ANKMY2: variants seen among roughly 807,000 people sequenced by gnomAD.
ANKMY2 encodes ankyrin repeat and MYND domain-containing protein 2.
A neutral mutation model predicts 50.4 loss-of-function variants in ANKMY2; 36 were observed. The ratio of observed to expected loss-of-function variants is 0.71; its 90% CI spans 0.55 to 0.94. The LOEUF (loss-of-function observed/expected upper bound fraction) is 0.94. Ranked by LOEUF, ANKMY2 falls within the 40% of genes least tolerant of loss-of-function variation. ANKMY2 has a pLI of 0.00. For missense variants in ANKMY2, 565 were observed against 524.0 expected (o/e 1.08, Z -0.76); for synonymous variants, 187 against 178.8 (o/e 1.05, Z -0.36).
intron 5 of ANKMY2, among the ~76,000 whole-genome samples, chr7:16,614,871 T>C (rs77723752): frequency 1.3e-5 from 2 of 152,202 alleles, no homozygotes. Flanking sequence ...GATACTGAAA[T>C]TGAAATAGGA....
chr7:16,636,457 TAAAAA>T lies in ANKMY2; in HGVS notation c.68-7_68-3del. ...ATGTTCCAGCTTCTTGGACAGTACC[TAAAAA>T]AAAAAAAAAGATGAAAAGTAAGGTT... On this transcript the variant is annotated splice_region_variant and splice_polypyrimidine_tract_variant and intron_variant, in intron 1 of 9. Coordinates refer to ENST00000306999, the MANE Select transcript of ANKMY2 (RefSeq NM_020319.3). The T allele has an allele frequency of 2.9e-6, 4 of 1,396,868 alleles. No homozygotes were observed. Among genetic ancestry groups the T allele is most frequent in the Non-Finnish European group, 3.9e-6 (4 of 1,038,166 alleles). The allele number at this position is 1,396,868 out of a possible 1,614,324, so 86.5% of individuals were successfully genotyped here.
In ANKMY2 at chr7:16,600,815, A is replaced by C; in HGVS notation, c.1272T>G (p.Ala424=). 6.2e-7 allele frequency: 1 copy of C among 1,613,814 alleles called. No individual in the cohort carries two copies. Among genetic ancestry groups the C allele is most frequent in the Non-Finnish European group, 8.5e-7 (1 of 1,179,880 alleles). ...EGKKESLESE[A]ELEGLQDAPA... is the part of the protein sequence containing the mutation. ...GAGCATCCTGTAAGCCTTCCAACTC[A>C]GCTTCGCTTTCAAGAGATTCTTTCT... The change falls in exon 10 of 10, where the codon GCT becomes GCG. Residue 424 remains alanine, a synonymous_variant. Coordinates refer to ENST00000306999, the MANE Select transcript of ANKMY2 (RefSeq NM_020319.3).
At position 16,645,710 on chromosome 7, in the gene ANKMY2, G is replaced by T; in HGVS notation, c.-137C>A. 1.1e-6 allele frequency: 1 copy of T among 945,880 alleles called. No homozygotes were observed. The highest frequency in any genetic ancestry group is 1.5e-6 in the Non-Finnish European group (1 of 662,646). 58.6% of individuals were successfully genotyped at this position (945,880 alleles called of 1,614,324 possible). On this transcript the variant is annotated 5_prime_UTR_variant, in exon 1 of 10. Transcript: ENST00000306999. ...GAGTAGCCAACCGCGGAAACGCTTC[G>T]CTTCTCTCCTCCCTCCCGCGGGCTG...
intron 7 of ANKMY2, among the ~76,000 whole-genome samples, chr7:16,607,264 A>G (rs577883933): frequency 1.1e-4 from 16 of 152,288 alleles, no homozygotes; most frequent in African/African-American, 3.6e-4. Context: ...ACTGGGATAA[A>G]CATTAATCAT....
chr7:16,607,337 G>A (rs192928822), intron 7 of ANKMY2, among the ~76,000 whole-genome samples: 7 of 152,202 alleles, frequency 4.6e-5, no homozygotes, highest in East Asian at 3.9e-4. Context: ...AGGCCAAGGC[G>A]GGCAGATCAC....
intron 7 of ANKMY2, among the ~76,000 whole-genome samples, chr7:16,607,075 A>T (rs1028454650): frequency 5.9e-5 from 9 of 152,168 alleles, no homozygotes; most frequent in African/African-American, 1.9e-4. Context: ...GAATATGAAA[A>T]CCAATTAGGC....
intron 4 of ANKMY2, among the ~76,000 whole-genome samples, chr7:16,617,079 T>C (rs1485108274): frequency 6.7e-6 from 1 of 149,166 alleles, no homozygotes; most frequent in East Asian, 1.9e-4. Flanking sequence ...TTTTAGAACT[T>C]TTTTTTTTTA....
intron 4 of ANKMY2, among the ~76,000 whole-genome samples, chr7:16,622,107 A>G (rs1489998690): frequency 3.3e-5 from 5 of 151,784 alleles, no homozygotes; most frequent in Middle Eastern, 3.4e-3. Flanking sequence ...GAAGAAGAAG[A>G]AGGAGGAGGA....
intron 4 of ANKMY2, among the ~76,000 whole-genome samples, chr7:16,617,215 T>C (rs1239108441): frequency 6.6e-6 from 1 of 152,222 alleles, no homozygotes; most frequent in African/African-American, 2.4e-5. Flanking sequence ...TTACCTGTGT[T>C]GATTTTGATG....
At chr7:16,635,594 G>T (rs1204809173) in intron 2 of ANKMY2, among the ~76,000 whole-genome samples, 1 of 152,110 alleles carries the variant, frequency 6.6e-6, no homozygotes, top group Non-Finnish European at 1.5e-5. Context: ...TCCCTTATTT[G>T]AAGTGTTTAA....
chr7:16,628,912 CAAA>C (rs1781541777), intron 2 of ANKMY2, among the ~76,000 whole-genome samples: 1 of 51,564 alleles, frequency 1.9e-5, no homozygotes, highest in Admixed American at 1.8e-4. Context: ...CTAGTTTAAA[CAAA>C]ACAAAACAAA....
At chr7:16,640,921 T>C (rs1014843807) in intron 1 of ANKMY2, among the ~76,000 whole-genome samples, 2 of 152,196 alleles carry the variant, frequency 1.3e-5, no homozygotes, top group Non-Finnish European at 2.9e-5. Context: ...TTTGGCTTTG[T>C]TAGTTGTTAT....
chr7:16,605,783 T>C (rs1043194498), intron 7 of ANKMY2, among the ~76,000 whole-genome samples: 15 of 149,154 alleles, frequency 1.0e-4, no homozygotes, highest in African/African-American at 3.0e-4. Flanking sequence ...CCTGGCTTCA[T>C]GCCATTCTCC....
intron 9 of ANKMY2, among the ~76,000 whole-genome samples, chr7:16,601,353 G>A (rs1781061798): frequency 6.6e-6 from 1 of 152,232 alleles, no homozygotes; most frequent in Non-Finnish European, 1.5e-5. Context: ...CATTGGTGAA[G>A]AATAAAGTTG....
chr7:16,623,012 T>C (rs1781462337), intron 4 of ANKMY2, among the ~76,000 whole-genome samples: 1 of 152,198 alleles, frequency 6.6e-6, no homozygotes, highest in Non-Finnish European at 1.5e-5. Context: ...TGGAGTATCA[T>C]ATAGCTGTTG....
At chr7:16,636,540 G>C in intron 1 of ANKMY2, 85 bp from the exon 2 acceptor site, 1 of 1,052,084 alleles carries the variant, frequency 9.5e-7, no homozygotes, top group East Asian at 2.7e-5. Context: ...AAACCTTAAG[G>C]AGTTATCTGT....
chr7:16,638,312 A>G (rs1781697886), intron 1 of ANKMY2, among the ~76,000 whole-genome samples: 1 of 152,228 alleles, frequency 6.6e-6, no homozygotes, highest in African/African-American at 2.4e-5. Flanking sequence ...CTGACTGGCT[A>G]TAAATCAGGG....
At chr7:16,633,044 T>C (rs921671967) in intron 2 of ANKMY2, among the ~76,000 whole-genome samples, 2 of 152,216 alleles carry the variant, frequency 1.3e-5, no homozygotes, top group Non-Finnish European at 2.9e-5. Flanking sequence ...CACTTGTATA[T>C]CTTCTTTGGA....
chr7:16,621,270 T>C (rs2128343998), intron 4 of ANKMY2, among the ~76,000 whole-genome samples: 1 of 152,304 alleles, frequency 6.6e-6, no homozygotes, highest in South Asian at 2.1e-4. Flanking sequence ...AGGATTGATA[T>C]GAAGGAACCA....
Sources: gnomAD v4.1 joint callset for allele counts (sites outside exome capture counted in the v4.1 genomes callset) on GRCh38, gnomAD v4.1.1 for gene constraint, MANE v1.5 for transcripts, NCBI Gene and HGNC (gene_info 2026-07-23, HGNC 2026-07-21) for gene names.